NPAS3: variants seen among roughly 807,000 people sequenced by gnomAD.
NPAS3 encodes neuronal PAS domain protein 3.
NPAS3 carries 14 observed loss-of-function variants against 73.1 expected under a neutral mutation model. The observed-to-expected ratio is 0.19, with a 90% CI of 0.13 to 0.30. The LOEUF is 0.30. Ranked by LOEUF, NPAS3 falls within the 10% of genes least tolerant of loss-of-function variation. The pLI, the probability that NPAS3 is intolerant of heterozygous loss-of-function variation, is 1.00. For missense variants in NPAS3, 1,096 were observed against 1,250.0 expected (o/e 0.88, Z 1.86); for synonymous variants, 620 against 541.5 (o/e 1.14, Z -2.01).
intron 3 of NPAS3, among the ~76,000 whole-genome samples, chr14:33,361,344 T>G (rs1233852391): frequency 6.6e-6 from 1 of 152,178 alleles, no homozygotes; most frequent in East Asian, 1.9e-4. Flanking sequence ...GATAAACATT[T>G]TCAAAAATCA....
chr14:33,248,424 T>C (rs749104735), intron 3 of NPAS3, among the ~76,000 whole-genome samples: 2 of 152,232 alleles, frequency 1.3e-5, no homozygotes, highest in Admixed American at 6.5e-5. Context: ...TTTATTCCAG[T>C]GTTCACTTGA....
chr14:33,177,422 T>C (rs2045634540), intron 2 of NPAS3, among the ~76,000 whole-genome samples: 1 of 152,162 alleles, frequency 6.6e-6, no homozygotes, highest in African/African-American at 2.4e-5. Flanking sequence ...TATAGTCTTA[T>C]CTAATATGTG....
chr14:33,476,225 G>A (rs1260517544), intron 4 of NPAS3, among the ~76,000 whole-genome samples: 1 of 152,162 alleles, frequency 6.6e-6, no homozygotes, highest in Non-Finnish European at 1.5e-5. Context: ...TTTGAACATT[G>A]CATAAAAATA....
Position 33,309,992 on chromosome 14 carries a change from G to A in NPAS3, c.386-57194G>A, listed in dbSNP as rs201610509. On this transcript the variant is annotated intron_variant, in intron 3 of 11. Transcript: ENST00000356141. ...CATGGAGAGTCATTGTCTTCATACC[G>A]TTGGTATGATCCAGTTTGTTTTCAC... is the stretch of plus-strand genomic sequence containing the variant. 9.2e-5 allele frequency among the ~76,000 whole-genome samples: 14 copies of A among 152,114 alleles called. No homozygotes were observed. The South Asian group carries it at 1.0e-3, about 11-fold the overall frequency.
chr14:33,643,329 C>T (rs145818559), intron 5 of NPAS3, among the ~76,000 whole-genome samples: 1 of 137,258 alleles, frequency 7.3e-6, no homozygotes, highest in African/African-American at 2.7e-5. Context: ...TGTAAAACAC[C>T]AACACCCCAG....
chr14:33,693,086 T>C (rs1191179114), intron 6 of NPAS3, among the ~76,000 whole-genome samples: 2 of 152,158 alleles, frequency 1.3e-5, no homozygotes, highest in South Asian at 2.1e-4. Context: ...TTGAAATTAA[T>C]GAGATTTACT....
chr14:33,798,707 T>A (rs2063586208), intron 11 of NPAS3, among the ~76,000 whole-genome samples: 1 of 152,144 alleles, frequency 6.6e-6, no homozygotes, highest in South Asian at 2.1e-4. Context: ...TGAAAGTTCT[T>A]GACAAAGACA....
intron 4 of NPAS3, among the ~76,000 whole-genome samples, chr14:33,396,721 T>C (rs1266890950): frequency 6.6e-6 from 1 of 152,146 alleles, no homozygotes; most frequent in African/African-American, 2.4e-5. Flanking sequence ...TAGGATACAG[T>C]TGAAAGGATT....
intron 3 of NPAS3, among the ~76,000 whole-genome samples, chr14:33,351,241 G>A (rs964399641): frequency 6.6e-6 from 1 of 152,184 alleles, no homozygotes; most frequent in African/African-American, 2.4e-5. Context: ...ATATACACTA[G>A]TCAATAATCA....
chr14:33,449,038 A>G (rs1280643929), intron 4 of NPAS3, among the ~76,000 whole-genome samples: 1 of 152,188 alleles, frequency 6.6e-6, no homozygotes, highest in African/African-American at 2.4e-5. Flanking sequence ...TTCAAAAAGA[A>G]TCTCTGGGCA....
chr14:33,578,589 A>G (rs1373166839), intron 5 of NPAS3, among the ~76,000 whole-genome samples: 1 of 152,228 alleles, frequency 6.6e-6, no homozygotes, highest in Non-Finnish European at 1.5e-5. Flanking sequence ...CTGGCTTATC[A>G]TAGGCACTAA....
chr14:33,242,113 G>T (rs1166190327), intron 3 of NPAS3, among the ~76,000 whole-genome samples: 2 of 151,790 alleles, frequency 1.3e-5, no homozygotes, highest in Non-Finnish European at 2.9e-5. Flanking sequence ...TTTTATTTTG[G>T]CTATCTTATG....
At chr14:33,568,413 T>C (rs541186333) in intron 5 of NPAS3, among the ~76,000 whole-genome samples, 71 of 152,336 alleles carry the variant, frequency 4.7e-4, no homozygotes, top group Non-Finnish European at 7.9e-4. Flanking sequence ...TTTAATGGCT[T>C]ATTTTATTAT....
chr14:33,741,346 C>G (rs1371356538), intron 7 of NPAS3, among the ~76,000 whole-genome samples: 1 of 152,152 alleles, frequency 6.6e-6, no homozygotes, highest in Non-Finnish European at 1.5e-5. Context: ...TCAACCCATT[C>G]AGAGTTTCTA....
upstream of NPAS3, among the ~76,000 whole-genome samples, chr14:32,937,666 T>C (rs776316819): frequency 6.6e-6 from 1 of 152,230 alleles, no homozygotes; most frequent in African/African-American, 2.4e-5. Flanking sequence ...CCTACTTTAC[T>C]GGAGTCGTAG....
intron 2 of NPAS3, among the ~76,000 whole-genome samples, chr14:33,068,167 C>T (rs964008756): frequency 6.6e-6 from 1 of 152,200 alleles, no homozygotes; most frequent in African/African-American, 2.4e-5. Context: ...AATACTGTTT[C>T]TAACATATTT....
At chr14:33,635,515 T>C (rs2058489965) in intron 5 of NPAS3, among the ~76,000 whole-genome samples, 1 of 152,160 alleles carries the variant, frequency 6.6e-6, no homozygotes, top group Non-Finnish European at 1.5e-5. Context: ...GAGTAGAGGC[T>C]GCAGACCCAG....
chr14:33,620,957 T>C (rs975075117), intron 5 of NPAS3, among the ~76,000 whole-genome samples: 2 of 152,154 alleles, frequency 1.3e-5, no homozygotes, highest in Admixed American at 1.3e-4. Context: ...TGGCCAGATA[T>C]GAAAATGCTT....
chr14:33,395,732 A>G (rs2047194772), intron 4 of NPAS3, among the ~76,000 whole-genome samples: 1 of 152,122 alleles, frequency 6.6e-6, no homozygotes, highest in Admixed American at 6.6e-5. Context: ...GGTGGCCTAA[A>G]CCTCAGACAT....
Sources: gnomAD v4.1 joint callset for allele counts (sites outside exome capture counted in the v4.1 genomes callset) on GRCh38, gnomAD v4.1.1 for gene constraint, MANE v1.5 for transcripts, NCBI Gene and HGNC (gene_info 2026-07-23, HGNC 2026-07-21) for gene names.